The following MYT1L variants were observed in gnomAD, a reference collection of about 807,000 sequenced individuals.
MYT1L encodes myelin transcription factor 1-like protein.
Under a neutral mutation model 126.7 loss-of-function variants are expected in MYT1L, and 12 were observed. The observed-to-expected ratio is 0.09, with a 90% CI of 0.06 to 0.15. The LOEUF is 0.15. MYT1L is among the 10% of genes least tolerant of loss of function. MYT1L has a pLI of 1.00. For missense variants in MYT1L, 979 were observed against 1,585.2 expected (o/e 0.62, Z 6.49); for synonymous variants, 541 against 604.2 (o/e 0.90, Z 1.53).
At chr2:1,890,720 T>C (rs2048757689) in intron 15 of MYT1L, among the ~76,000 whole-genome samples, 1 of 152,156 alleles carries the variant, frequency 6.6e-6, no homozygotes, top group Non-Finnish European at 1.5e-5. Flanking sequence ...TTAGCAAAAT[T>C]TGATTTCAGA....
intron 3 of MYT1L, among the ~76,000 whole-genome samples, chr2:2,091,690 A>T (rs2076930104): frequency 6.6e-6 from 1 of 152,170 alleles, no homozygotes; most frequent in Admixed American, 6.5e-5. Flanking sequence ...AGGCTGTTTC[A>T]TCTACACTGA....
intron 3 of MYT1L, among the ~76,000 whole-genome samples, chr2:2,153,892 G>C (rs36068851): frequency 0.043 from 6,530 of 152,192 alleles, 175 homozygotes; most frequent in Middle Eastern, 0.092. Context: ...GAACCCCCGG[G>C]TGCAGCGTGT....
At chr2:2,279,925 A>G (rs1215678330) in intron 2 of MYT1L, among the ~76,000 whole-genome samples, 1 of 152,238 alleles carries the variant, frequency 6.6e-6, no homozygotes, top group Non-Finnish European at 1.5e-5. Flanking sequence ...CAGGACAAGT[A>G]CATGGCATAA....
chr2:2,262,931 T>TATATATATATATATATATATATATAA (rs970472033), intron 2 of MYT1L, among the ~76,000 whole-genome samples: 1 of 43,660 alleles, frequency 2.3e-5, no homozygotes, highest in African/African-American at 1.0e-4. Flanking sequence ...TATATATATA[T>TATATATATATATATATATATATATAA]AACCTGTGAT....
chr2:1,838,687 C>T (rs2041231506), intron 21 of MYT1L, among the ~76,000 whole-genome samples: 1 of 152,132 alleles, frequency 6.6e-6, no homozygotes, highest in African/African-American at 2.4e-5. Flanking sequence ...ATGAAGCAAA[C>T]AAAAATGAAT....
Position 2,228,650 on chromosome 2 carries a change from T to C in MYT1L, c.-420-55662A>G, listed in dbSNP as rs925039500. 6.6e-6 allele frequency among the ~76,000 whole-genome samples: 1 copy of C among 152,166 alleles called. No individual in the cohort carries two copies. On this transcript the variant is annotated intron_variant, in intron 2 of 24. Transcript: ENST00000647738. This position sits in a 1 kb window ranked among gnomAD's most constrained non-coding sequence, Gnocchi z 5.9. ...GCAGTCTAGAAACCCACTTTGTCTA[T>C]AAAACATTAAAATAGAACCATTTAT...
At chr2:2,033,994 A>G (rs2066717884) in intron 4 of MYT1L, among the ~76,000 whole-genome samples, 1 of 152,200 alleles carries the variant, frequency 6.6e-6, no homozygotes, top group Admixed American at 6.5e-5. Flanking sequence ...GAATTTCCAG[A>G]ACCTAAGAAA....
intron 4 of MYT1L, among the ~76,000 whole-genome samples, chr2:2,012,629 C>T (rs954836386): frequency 2.0e-5 from 3 of 152,216 alleles, no homozygotes; most frequent in Non-Finnish European, 2.9e-5. Flanking sequence ...AAATATTCAA[C>T]GGAAAATTCC....
At chr2:2,209,423 A>T (rs777445577) in intron 2 of MYT1L, among the ~76,000 whole-genome samples, 3 of 152,080 alleles carry the variant, frequency 2.0e-5, no homozygotes, top group Non-Finnish European at 4.4e-5. Context: ...GCCTCTGGTA[A>T]CCATCCTTCT....
At chr2:1,836,225 C>G (rs536393816) in intron 21 of MYT1L, among the ~76,000 whole-genome samples, 1 of 152,100 alleles carries the variant, frequency 6.6e-6, no homozygotes. Context: ...ACAGCCTGCA[C>G]CCAGTATTCT....
At chr2:1,886,241 A>G in intron 18 of MYT1L, 1 of 290,890 alleles carries the variant, frequency 3.4e-6, no homozygotes, top group Non-Finnish European at 6.3e-6. Context: ...GTAACTGTAA[A>G]ATTTCCCTTC....
intron 3 of MYT1L, among the ~76,000 whole-genome samples, chr2:2,074,493 A>T (rs1279357559): frequency 6.6e-6 from 1 of 152,234 alleles, no homozygotes; most frequent in African/African-American, 2.4e-5. Flanking sequence ...AGAGAAAAAG[A>T]TATCAATTTA....
At chr2:2,225,286 G>C (rs1035672335) in intron 2 of MYT1L, among the ~76,000 whole-genome samples, 2 of 152,158 alleles carry the variant, frequency 1.3e-5, no homozygotes, top group African/African-American at 4.8e-5. Context: ...TTACCAACCA[G>C]GGCAGGGGGT....
chr2:2,128,094 T>C (rs2081939480), intron 3 of MYT1L, among the ~76,000 whole-genome samples: 1 of 152,194 alleles, frequency 6.6e-6, no homozygotes, highest in Non-Finnish European at 1.5e-5. Flanking sequence ...TTAAGAAAGA[T>C]AGTGATGCAA....
intron 9 of MYT1L, among the ~76,000 whole-genome samples, chr2:1,931,940 T>C (rs1488538483): frequency 6.6e-6 from 1 of 152,184 alleles, no homozygotes; most frequent in Admixed American, 6.5e-5. Context: ...GGAAGGCACC[T>C]GTCCCCCCTT....
chr2:2,252,213 C>T (rs1388667789), intron 2 of MYT1L, among the ~76,000 whole-genome samples: 5 of 152,156 alleles, frequency 3.3e-5, no homozygotes, highest in African/African-American at 1.2e-4. Context: ...CTGACCCAAG[C>T]TCCTCTCTCC....
chr2:2,090,623 ATCTATTGGAAAACT>A (rs2076822205), intron 3 of MYT1L, among the ~76,000 whole-genome samples: 1 of 152,120 alleles, frequency 6.6e-6, no homozygotes, highest in South Asian at 2.1e-4. Context: ...AGTTTTCCAT[ATCTATTGGAAAACT>A]TCTATTGGAA....
At chr2:1,861,924 G>A (rs2044709999) in intron 18 of MYT1L, among the ~76,000 whole-genome samples, 2 of 152,390 alleles carry the variant, frequency 1.3e-5, no homozygotes, top group East Asian at 1.9e-4. Context: ...GGATCCTCCT[G>A]CAGCCTGTGT....
At chr2:1,932,689 G>A (rs568115301) in intron 9 of MYT1L, among the ~76,000 whole-genome samples, 1 of 152,328 alleles carries the variant, frequency 6.6e-6, no homozygotes, top group Non-Finnish European at 1.5e-5. Flanking sequence ...TTGAGAAGGT[G>A]CCACTTGAGC....
Sources: gnomAD v4.1 joint callset for allele counts (sites outside exome capture counted in the v4.1 genomes callset) on GRCh38, gnomAD v4.1.1 for gene constraint, Gnocchi (gnomAD v3.1) non-coding constraint, MANE v1.5 for transcripts, NCBI Gene and HGNC (gene_info 2026-07-23, HGNC 2026-07-21) for gene names.